Variants in TRIM38 observed in about 807,000 individuals in gnomAD.
TRIM38 encodes the protein tripartite motif containing 38, also known as E3 ubiquitin-protein ligase TRIM38.
TRIM38 carries 35 observed loss-of-function variants against 35.8 expected under a neutral mutation model. The ratio of observed to expected loss-of-function variants is 0.98; its 90% CI spans 0.75 to 1.30. TRIM38 has a LOEUF of 1.30. TRIM38 is among the 50% of genes most tolerant of loss of function. TRIM38 has a pLI of 0.00. For missense variants in TRIM38, 545 were observed against 556.9 expected (o/e 0.98, Z 0.21); for synonymous variants, 198 against 204.7 (o/e 0.97, Z 0.28).
At chr6:25,974,038 C>T (rs1213367732) in intron 7 of TRIM38, 1 of 215,756 alleles carries the variant, frequency 4.6e-6, no homozygotes, top group African/African-American at 2.4e-5. Context: ...AAACAAATTA[C>T]CATAATTTAG....
rs1189225723 is a variant in TRIM38 at position 25,990,699 on chromosome 6, TTAAA to T, written c.*7016_*7019del. The stretch of plus-strand genomic sequence containing the variant: ...AATATTAAATGTTAAATAGGTTTTA[TTAAA>T]TAATTAAATAAAAATGAAAATAATC... On this transcript the variant is annotated 3_prime_UTR_variant, in exon 8 of 8. Coordinates refer to ENST00000357085, the MANE Select transcript of TRIM38 (RefSeq NM_006355.5). The T allele has an allele frequency of 4.0e-5, 6 of 151,448 alleles. No individual in the cohort carries two copies. Among genetic ancestry groups the T allele is most frequent in the African/African-American group, 9.7e-5 (4 of 41,186 alleles). The allele number at this position is 151,448 out of a possible 1,614,324, so 9.4% of individuals were successfully genotyped here.
intron 7 of TRIM38, chr6:25,975,015 A>ATTTCTTTC (rs542029293): frequency 2.1e-6 from 2 of 955,404 alleles, no homozygotes; most frequent in African/African-American, 3.6e-5. Context: ...AAGTGAAACT[A>ATTTCTTTC]TTTCTTTCTT....
rs1383642678 is a variant in TRIM38, at chr6:25,966,598, C to T, written c.76C>T (p.Pro26Ser). ...CSICLSLMTN[P>S]VSINCGHSYC... ...CATCTGCCTGAGCCTGATGACGAAC[C>T]CAGTAAGCATCAACTGTGGACACAG... The change falls in exon 3 of 8, where the codon CCA becomes TCA. Residue 26 changes from proline (P) to serine (S), a missense_variant. Coordinates refer to ENST00000357085, the MANE Select transcript of TRIM38 (RefSeq NM_006355.5). 2 of 1,614,132 alleles carry T rather than the reference C, an allele frequency of 1.2e-6. No individual in the cohort carries two copies. Among genetic ancestry groups the T allele is most frequent in the South Asian group, 2.2e-5 (2 of 91,082 alleles).
Position 25,973,038 on chromosome 6 carries a change from T to G in TRIM38, c.739-16T>G. On this transcript the variant is annotated splice_polypyrimidine_tract_variant and intron_variant, in intron 5 of 7. Coordinates refer to ENST00000357085, the MANE Select transcript of TRIM38 (RefSeq NM_006355.5). ...CGATGTTCCCATGCTCACCTTTTCT[T>G]TTTGTTTCTTTATAGAATGTGAATG... is the stretch of plus-strand genomic sequence containing the variant. 1 of 1,614,116 alleles carries G rather than the reference T, an allele frequency of 6.2e-7. No individual in the cohort carries two copies. Among genetic ancestry groups the G allele is most frequent in the South Asian group, 1.1e-5 (1 of 91,082 alleles).
In TRIM38 at chr6:25,989,507, ATTCTTTTTTTT is replaced by A. The variant is rs1434921306; in HGVS notation, c.*5823_*5833del. On this transcript the variant is annotated 3_prime_UTR_variant, in exon 8 of 8. Transcript: ENST00000357085. ...TTTGCTATTGTTAGCAAGGTCTTGTATTCTTTTTTTTTTTTTTTTTTTTTTTTAATAGAGAC... is the reference window on the plus strand; with the variant it reads ...TTTGCTATTGTTAGCAAGGTCTTGTATTTTTTTTTTTTTTTTAATAGAGAC... 9.1e-5 allele frequency: 10 copies of A among 109,948 alleles called. No individual in the cohort carries two copies. The East Asian group carries it at 1.5e-3, about 16-fold the overall frequency. The allele number at this position is 109,948 out of a possible 1,614,324, so 6.8% of individuals were successfully genotyped here.
At chr6:25,973,857 G>A in intron 7 of TRIM38, 1 of 985,278 alleles carries the variant, frequency 1.0e-6, no homozygotes, top group Non-Finnish European at 1.2e-6. Flanking sequence ...TGAGTTTCCT[G>A]CTCCCTTGAT....
rs1448529724 is a variant in TRIM38 at position 25,989,798 on chromosome 6, CT to C, written c.*6118del. The C allele has an allele frequency of 6.6e-6, 1 of 151,738 alleles. No individual in the cohort carries two copies. The highest frequency in any genetic ancestry group is 1.9e-4 in the East Asian group (1 of 5,184). The allele number at this position is 151,738 out of a possible 1,614,324, so 9.4% of individuals were successfully genotyped here. ...CACCTCTTCTTATAAATATGGTTTT[CT>C]TTTTTTAAATAAAAATTTAAGACAT... On this transcript the variant is annotated 3_prime_UTR_variant, in exon 8 of 8. Coordinates refer to ENST00000357085, the MANE Select transcript of TRIM38 (RefSeq NM_006355.5).
chr6:25,968,903 G>C (rs985827462), intron 3 of TRIM38, among the ~76,000 whole-genome samples: 1 of 152,134 alleles, frequency 6.6e-6, no homozygotes, highest in Non-Finnish European at 1.5e-5. Context: ...GGTTTTGCTT[G>C]GTTCAGCATG....
intron 3 of TRIM38, among the ~76,000 whole-genome samples, chr6:25,968,117 A>G (rs1006061122): frequency 2.0e-5 from 3 of 152,064 alleles, no homozygotes; most frequent in Non-Finnish European, 4.4e-5. Context: ...TTTGAGGAAA[A>G]TGTTGTCTCC....
intron 3 of TRIM38, among the ~76,000 whole-genome samples, chr6:25,968,650 A>C (rs1470436713): frequency 6.6e-6 from 1 of 152,246 alleles, no homozygotes; most frequent in East Asian, 1.9e-4. Context: ...TTCAGCATTG[A>C]CTACAATTAG....
In TRIM38 at chr6:25,966,522, T is replaced by C. The variant is rs753769626; in HGVS notation, c.-1T>C. On this transcript the variant is annotated 5_prime_UTR_variant, in exon 3 of 8. Coordinates refer to ENST00000357085, the MANE Select transcript of TRIM38 (RefSeq NM_006355.5). ...AATATTGGAGCTTTTCAATAAAAGC[T>C]ATGGCCTCAACCACCAGCACCAAGA... The C allele has an allele frequency of 3.1e-6, 5 of 1,598,566 alleles. No homozygotes were observed. In the African/African-American group the frequency reaches 5.4e-5, roughly 17 times the overall value.
Position 25,974,892 on chromosome 6 carries a change from A to T in TRIM38, c.874+1607A>T, listed in dbSNP as rs1395813269. The T allele has an allele frequency of 3.0e-6, 3 of 985,296 alleles. No individual in the cohort carries two copies. In the African/African-American group the frequency reaches 5.2e-5, roughly 17 times the overall value. 61.0% of individuals were successfully genotyped at this position (985,296 alleles called of 1,614,324 possible). On this transcript the variant is annotated intron_variant, in intron 7 of 7. Coordinates refer to ENST00000357085, the MANE Select transcript of TRIM38 (RefSeq NM_006355.5). ...AAAACCCAAAAGCACTCTGTATTTC[A>T]TCCTATACAGATGACAGGAAGGAAG...
chr6:25,964,944 T>C (rs1759973464), intron 2 of TRIM38, among the ~76,000 whole-genome samples: 1 of 152,100 alleles, frequency 6.6e-6, no homozygotes, highest in South Asian at 2.1e-4. Flanking sequence ...CCTGAGCAGC[T>C]GGGATTACAG....
Position 25,983,911 on chromosome 6 carries a change from A to AT in TRIM38, c.*225dup, listed in dbSNP as rs1760641964. The AT allele has an allele frequency of 4.2e-6, 2 of 480,806 alleles. No individual in the cohort carries two copies. Among genetic ancestry groups the AT allele is most frequent in the Non-Finnish European group, 7.3e-6 (2 of 274,584 alleles). 29.8% of individuals were successfully genotyped at this position (480,806 alleles called of 1,614,324 possible). A position where few individuals can be genotyped will look rare whatever the true frequency, so the allele number is the denominator to read the frequency against. Reference sequence around the variant, plus strand: ...ACTGGGGCAAAGCAAGATAATAGTGATGATCGTATGTTGCTGTCTCCATCC... The same window carrying AT: ...ACTGGGGCAAAGCAAGATAATAGTGATTGATCGTATGTTGCTGTCTCCATCC... On this transcript the variant is annotated 3_prime_UTR_variant, in exon 8 of 8. Transcript: ENST00000357085.
At chr6:25,965,783 T>C (rs1471585438) in intron 2 of TRIM38, among the ~76,000 whole-genome samples, 1 of 151,822 alleles carries the variant, frequency 6.6e-6, no homozygotes, top group Non-Finnish European at 1.5e-5. Context: ...CTGGGCGTAG[T>C]GGTGCACACC....
intron 2 of TRIM38, among the ~76,000 whole-genome samples, chr6:25,964,127 A>C (rs1759944119): frequency 6.6e-6 from 1 of 152,084 alleles, no homozygotes; most frequent in East Asian, 1.9e-4. Context: ...AGGCATACAA[A>C]TTTATTAACA....
chr6:25,964,603 G>C (rs1287144193), intron 2 of TRIM38, among the ~76,000 whole-genome samples: 1 of 152,084 alleles, frequency 6.6e-6, no homozygotes, highest in Non-Finnish European at 1.5e-5. Flanking sequence ...TGTTCTTCTT[G>C]TCTAGTGTGA....
In TRIM38 at chr6:25,984,281, T is replaced by C. The variant is rs1049256155; in HGVS notation, c.*594T>C. 1.3e-5 allele frequency: 2 copies of C among 152,270 alleles called. No homozygotes were observed. The highest frequency in any genetic ancestry group is 4.8e-5 in the African/African-American group (2 of 41,426). The allele number at this position is 152,270 out of a possible 1,614,324, so 9.4% of individuals were successfully genotyped here. A position where few individuals can be genotyped will look rare whatever the true frequency, so the allele number is the denominator to read the frequency against. On this transcript the variant is annotated 3_prime_UTR_variant, in exon 8 of 8. Coordinates refer to ENST00000357085, the MANE Select transcript of TRIM38 (RefSeq NM_006355.5). ...TGAGATGCTTCAAATGAAAAGGGAATTATGAGTAAAATTGAACTTTGATGG... is the reference window on the plus strand; with the variant it reads ...TGAGATGCTTCAAATGAAAAGGGAACTATGAGTAAAATTGAACTTTGATGG...
intron 3 of TRIM38, among the ~76,000 whole-genome samples, chr6:25,968,094 T>C (rs1375275657): frequency 6.6e-6 from 1 of 152,210 alleles, no homozygotes; most frequent in Non-Finnish European, 1.5e-5. Flanking sequence ...TTTCCTTCTC[T>C]GTCCTGCCTA....
Sources: allele counts gnomAD v4.1 joint callset (sites outside exome capture counted in the v4.1 genomes callset), GRCh38; gene constraint gnomAD v4.1.1; transcripts MANE v1.5; gene names NCBI Gene and HGNC (gene_info 2026-07-23, HGNC 2026-07-21).